The following CAB39L variants were observed in gnomAD, a reference collection of about 807,000 sequenced individuals.
CAB39L encodes the protein calcium binding protein 39 like, also known as calcium-binding protein 39-like.
In CAB39L, 23 loss-of-function variants were observed where a neutral mutation model predicts 39.1. The observed-to-expected ratio is 0.59, with a 90% CI of 0.42 to 0.83. CAB39L has a LOEUF of 0.83. Ranked by LOEUF, CAB39L falls within the 40% of genes least tolerant of loss-of-function variation. The pLI is 0.00. For synonymous variants in CAB39L, 126 were observed against 137.2 expected (o/e 0.92, Z 0.57); for missense variants, 366 against 391.9 (o/e 0.93, Z 0.56).
At chr13:49,418,646 G>T (rs1957122394) in intron 3 of CAB39L, among the ~76,000 whole-genome samples, 1 of 152,146 alleles carries the variant, frequency 6.6e-6, no homozygotes, top group Non-Finnish European at 1.5e-5. Context: ...TCAACTCACT[G>T]CAACCTTCCC....
chr13:49,380,251 C>G (rs756260200), intron 4 of CAB39L, among the ~76,000 whole-genome samples: 1 of 152,148 alleles, frequency 6.6e-6, no homozygotes. Flanking sequence ...AGCTACTGAT[C>G]TTTATTTAAA....
In CAB39L at chr13:49,309,039, T is replaced by C. The variant is rs1953914401; in HGVS notation, c.*1775A>G. The C allele has an allele frequency of 6.6e-6, 1 of 152,226 alleles. No individual in the cohort carries two copies. Among genetic ancestry groups the C allele is most frequent in the Admixed American group, 6.5e-5 (1 of 15,282 alleles). 9.4% of individuals were successfully genotyped at this position (152,226 alleles called of 1,614,324 possible). Reference sequence around the variant, plus strand: ...ATTAAGTAACCAAATACAATTCCAATGGTTATTTCACCTTCATTTTTTATA... The same window carrying C: ...ATTAAGTAACCAAATACAATTCCAACGGTTATTTCACCTTCATTTTTTATA... On this transcript the variant is annotated 3_prime_UTR_variant, in exon 11 of 11. Transcript: ENST00000409308.
intron 3 of CAB39L, among the ~76,000 whole-genome samples, chr13:49,421,180 A>G (rs1759365126): frequency 5.3e-5 from 8 of 152,148 alleles, no homozygotes; most frequent in Admixed American, 5.2e-4. Flanking sequence ...CCAAGTGCAA[A>G]GAAACTGCCT....
chr13:49,339,703 A>C lies in CAB39L; in HGVS notation c.664T>G (p.Tyr222Asp). The change falls in exon 9 of 11, where the codon TAT (tyrosine) becomes GAT (aspartate). Residue 222 changes from tyrosine (Y) to aspartate (D), a missense_variant. By Grantham distance (160) the Tyr-to-Asp change is radical. Transcript: ENST00000409308. The part of the protein sequence containing the change: ...DYEKLLQSEN[Y>D]VTKRQSLKLL... ...TTTAAAGACTGTCTCTTAGTAACAT[A>C]ATTCTCAGACTGAAGCAATTTCTCA... is the stretch of plus-strand genomic sequence containing the variant. 6.3e-7 allele frequency: 1 copy of C among 1,580,542 alleles called. No individual in the cohort carries two copies. Among genetic ancestry groups the C allele is most frequent in the Non-Finnish European group, 8.6e-7 (1 of 1,165,442 alleles).
intron 10 of CAB39L, among the ~76,000 whole-genome samples, chr13:49,328,947 T>A (rs1288794362): frequency 3.3e-5 from 5 of 152,188 alleles, no homozygotes; most frequent in Non-Finnish European, 7.4e-5. Context: ...TTAAAAAAAA[T>A]TGCTTTTCTA....
At chr13:49,389,268 C>G (rs953823163) in intron 3 of CAB39L, among the ~76,000 whole-genome samples, 1 of 152,176 alleles carries the variant, frequency 6.6e-6, no homozygotes, top group Admixed American at 6.5e-5. Flanking sequence ...ATCTGCACTT[C>G]CGTATTCATT....
At chr13:49,381,246 T>G (rs971724652) in intron 4 of CAB39L, among the ~76,000 whole-genome samples, 1 of 152,198 alleles carries the variant, frequency 6.6e-6, no homozygotes, top group African/African-American at 2.4e-5. Flanking sequence ...TTTTAAAAAG[T>G]AATTTTTCAT....
chr13:49,390,041 C>T lies in CAB39L; in HGVS notation c.-31-7100G>A, dbSNP rs557002816. Among the ~76,000 whole-genome samples, 10 of 152,120 alleles carry T rather than the reference C, an allele frequency of 6.6e-5. No individual in the cohort carries two copies. In the South Asian group the frequency reaches 8.3e-4, roughly 13 times the overall value. On this transcript the variant is annotated intron_variant, in intron 3 of 10. Coordinates refer to ENST00000409308, the MANE Select transcript of CAB39L (RefSeq NM_001079670.3). Reference sequence around the variant, plus strand: ...TTTGCCATGTTACCCAGGCTGGCCTCGAACTCCTGGCTAATTTTAATTTTA... The same window carrying T: ...TTTGCCATGTTACCCAGGCTGGCCTTGAACTCCTGGCTAATTTTAATTTTA...
Position 49,408,648 on chromosome 13 carries a change from A to G in CAB39L, c.-32+24670T>C, listed in dbSNP as rs930415424. Among the ~76,000 whole-genome samples the G allele has an allele frequency of 3.3e-5, 5 of 152,058 alleles. No homozygotes were observed. In the South Asian group the frequency reaches 6.2e-4, roughly 19 times the overall value. On this transcript the variant is annotated intron_variant, in intron 3 of 10. Coordinates refer to ENST00000409308, the MANE Select transcript of CAB39L (RefSeq NM_001079670.3). Reference sequence around the variant, plus strand: ...AGACCAGCCTGGACAACATGGCAAGACCCCCATCTCTACCAAAAAAATACA... The same window carrying G: ...AGACCAGCCTGGACAACATGGCAAGGCCCCCATCTCTACCAAAAAAATACA...
intron 9 of CAB39L, among the ~76,000 whole-genome samples, chr13:49,333,635 G>A (rs184694404): frequency 7.1e-6 from 1 of 141,832 alleles, no homozygotes; most frequent in African/African-American, 2.7e-5. Context: ...GCAGTGGCGC[G>A]ATCTCGGCTC....
chr13:49,369,307 G>T (rs180946765), intron 5 of CAB39L, among the ~76,000 whole-genome samples: 11 of 152,326 alleles, frequency 7.2e-5, no homozygotes, highest in Non-Finnish European at 1.3e-4. Flanking sequence ...CTGGAAATAT[G>T]TAAAATATCC....
chr13:49,355,439 A>G (rs1955458792), intron 6 of CAB39L, among the ~76,000 whole-genome samples: 1 of 152,100 alleles, frequency 6.6e-6, no homozygotes, highest in Non-Finnish European at 1.5e-5. Context: ...AGAAGCAATA[A>G]CAATCCAATG....
chr13:49,406,915 G>A (rs555895459), intron 3 of CAB39L, among the ~76,000 whole-genome samples: 71 of 152,212 alleles, frequency 4.7e-4, no homozygotes, highest in East Asian at 2.1e-3. Flanking sequence ...ATTCTTTGCC[G>A]TTAACTAATG....
At position 49,339,125 on chromosome 13, in the gene CAB39L, CTT is replaced by C. The variant is rs1215081648; in HGVS notation, c.690+550_690+551del. ...GGTTTAATTTTTGCATTTTACATGT[CTT>C]TTTTTTTTTTTTTTTTTTTTGAGAT... On this transcript the variant is annotated intron_variant, in intron 9 of 10. Transcript: ENST00000409308. 3.1e-3 allele frequency among the ~76,000 whole-genome samples: 305 copies of C among 99,880 alleles called. 2 individuals are homozygous for C. The East Asian group carries it at 0.039, about 13-fold the overall frequency. The allele number at this position is 99,880 out of a possible 152,430, so 65.5% of individuals were successfully genotyped here.
intron 3 of CAB39L, among the ~76,000 whole-genome samples, chr13:49,384,118 AAGTC>A (rs1449562502): frequency 6.6e-6 from 1 of 152,228 alleles, no homozygotes; most frequent in Non-Finnish European, 1.5e-5. Flanking sequence ...TTCAAAATTG[AAGTC>A]AGTCCTCTCA....
At chr13:49,312,662 G>A (rs181290160) in intron 10 of CAB39L, among the ~76,000 whole-genome samples, 6 of 152,294 alleles carry the variant, frequency 3.9e-5, no homozygotes, top group East Asian at 1.9e-4. Flanking sequence ...GCTGTTAAGC[G>A]CCACAGGCCT....
At chr13:49,367,577 AAAG>A in intron 5 of CAB39L, among the ~76,000 whole-genome samples, 1 of 152,362 alleles carries the variant, frequency 6.6e-6, no homozygotes, top group South Asian at 2.1e-4. Context: ...CTTCAATTTA[AAAG>A]AATACTCCAA....
intron 3 of CAB39L, among the ~76,000 whole-genome samples, chr13:49,421,143 A>G (rs1957166276): frequency 6.6e-6 from 1 of 152,144 alleles, no homozygotes; most frequent in Non-Finnish European, 1.5e-5. Flanking sequence ...CACTCTGGAT[A>G]CTGGTGAAGC....
At chr13:49,346,079 T>TATATATATATATGCTAG (rs1566079174) in intron 7 of CAB39L, among the ~76,000 whole-genome samples, 1 of 121,352 alleles carries the variant, frequency 8.2e-6, no homozygotes, top group African/African-American at 3.0e-5. Context: ...ATGCTAGATA[T>TATATATATATATGCTAG]ATATATATAT....
Sources: gnomAD v4.1 joint callset for allele counts (sites outside exome capture counted in the v4.1 genomes callset) on GRCh38, gnomAD v4.1.1 for gene constraint, MANE v1.5 for transcripts, NCBI Gene and HGNC (gene_info 2026-07-23, HGNC 2026-07-21) for gene names.